Variants in ROBO2 observed in about 807,000 individuals in gnomAD.
ROBO2 encodes roundabout homolog 2.
Under a neutral mutation model 160.8 loss-of-function variants are expected in ROBO2, and 53 were observed. The ratio of observed to expected loss-of-function variants is 0.33; its 90% confidence interval spans 0.26 to 0.41. The LOEUF (loss-of-function observed/expected upper bound fraction) is 0.41, where lower values mean the gene tolerates loss of function less well. Among genes scored for constraint, ROBO2 ranks in the 10% least tolerant of loss-of-function variants. The pLI is 1.00. For synonymous variants in ROBO2, 664 were observed against 611.7 expected (o/e 1.09, Z -1.26); for missense variants, 1,577 against 1,722.4 (o/e 0.92, Z 1.49).
intron 2 of ROBO2, among the ~76,000 whole-genome samples, chr3:76,628,436 T>TTG (rs1701228531): frequency 6.7e-6 from 1 of 150,234 alleles, no homozygotes. Context: ...TTTTTAGGTT[T>TTG]TTTTTTTTTT....
intron 2 of ROBO2, among the ~76,000 whole-genome samples, chr3:76,449,240 A>G (rs1559964970): frequency 6.6e-6 from 1 of 152,146 alleles, no homozygotes; most frequent in Non-Finnish European, 1.5e-5. Context: ...TTTTTTATAA[A>G]TTATATCCAA....
intron 3 of ROBO2, 34 bp downstream of exon 3, chr3:77,477,605 T>A (rs2084172555): frequency 1.3e-5 from 20 of 1,534,622 alleles, no homozygotes; most frequent in South Asian, 2.2e-5. Flanking sequence ...CCAGAGAGAT[T>A]GAATTTTCAG....
intron 2 of ROBO2, among the ~76,000 whole-genome samples, chr3:76,312,864 A>C (rs945263478): frequency 1.3e-5 from 2 of 152,216 alleles, no homozygotes; most frequent in African/African-American, 2.4e-5. Flanking sequence ...TTGTTAACCT[A>C]TTCAGAAAGG....
intron 17 of ROBO2, among the ~76,000 whole-genome samples, chr3:77,589,935 G>A (rs1039614994): frequency 2.0e-5 from 3 of 151,986 alleles, no homozygotes; most frequent in Admixed American, 6.6e-5. Flanking sequence ...TATTAAATTT[G>A]GTAGGAAGCA....
At chr3:77,601,551 C>T (rs919386967) in intron 19 of ROBO2, among the ~76,000 whole-genome samples, 11 of 151,976 alleles carry the variant, frequency 7.2e-5, no homozygotes, top group Non-Finnish European at 1.3e-4. Flanking sequence ...TTCTCTAGTT[C>T]GGAGTTGATA....
intron 2 of ROBO2, among the ~76,000 whole-genome samples, chr3:77,240,145 G>A (rs536986887): frequency 9.7e-4 from 148 of 152,260 alleles, no homozygotes; most frequent in Middle Eastern, 3.4e-3. Flanking sequence ...AGCATGGGGC[G>A]GCGCCCGTCG....
chr3:76,151,459 T>C (rs2072196087), intron 2 of ROBO2, among the ~76,000 whole-genome samples: 1 of 152,310 alleles, frequency 6.6e-6, no homozygotes, highest in East Asian at 1.9e-4. Flanking sequence ...AGAATGCTCT[T>C]TTTATATGAT....
intron 2 of ROBO2, among the ~76,000 whole-genome samples, chr3:76,022,593 A>G (rs558520980): frequency 2.8e-4 from 42 of 151,838 alleles, no homozygotes; most frequent in Middle Eastern, 3.4e-3. Context: ...TACATTGTCA[A>G]TGAACAGCAA....
intron 1 of ROBO2, among the ~76,000 whole-genome samples, chr3:77,068,874 G>A (rs986782175): frequency 1.3e-5 from 2 of 151,970 alleles, no homozygotes; most frequent in African/African-American, 4.8e-5. Flanking sequence ...TTTGTGATCC[G>A]CAAACTATAA....
chr3:76,647,704 T>G (rs961767482), intron 2 of ROBO2, among the ~76,000 whole-genome samples: 2 of 151,948 alleles, frequency 1.3e-5, no homozygotes, highest in Non-Finnish European at 2.9e-5. Flanking sequence ...TAATCAAGGT[T>G]GTGGGAGGTG....
At chr3:77,217,900 A>G (rs2085194200) in intron 2 of ROBO2, among the ~76,000 whole-genome samples, 1 of 152,222 alleles carries the variant, frequency 6.6e-6, no homozygotes, top group African/African-American at 2.4e-5. Flanking sequence ...AAGTAAATGA[A>G]ATATTACAGA....
chr3:76,603,069 C>T (rs1363070332), intron 2 of ROBO2, among the ~76,000 whole-genome samples: 6 of 151,922 alleles, frequency 3.9e-5, no homozygotes, highest in South Asian at 2.1e-4. Context: ...CAGTGGCTCA[C>T]GCCTGTAATC....
intron 6 of ROBO2, among the ~76,000 whole-genome samples, chr3:77,530,418 A>G (rs2091593841): frequency 6.6e-6 from 1 of 151,964 alleles, no homozygotes; most frequent in Non-Finnish European, 1.5e-5. Context: ...AATTTTGTCT[A>G]AATGGATGAC....
chr3:77,323,216 C>A (rs915524001), intron 2 of ROBO2, among the ~76,000 whole-genome samples: 5 of 151,220 alleles, frequency 3.3e-5, no homozygotes, highest in Non-Finnish European at 5.9e-5. Context: ...CTGACTATCA[C>A]CCATGTTCCC....
chr3:76,630,886 G>A (rs1485935064), intron 2 of ROBO2, among the ~76,000 whole-genome samples: 2 of 152,110 alleles, frequency 1.3e-5, no homozygotes, highest in South Asian at 4.1e-4. Flanking sequence ...CAGTAACTTT[G>A]TACAAGAGGT....
intron 20 of ROBO2, among the ~76,000 whole-genome samples, chr3:77,606,300 T>C (rs1436627488): frequency 1.3e-5 from 2 of 152,162 alleles, no homozygotes; most frequent in African/African-American, 4.8e-5. Context: ...CTCTTGTAAT[T>C]CTCAAAATAA....
At chr3:76,128,409 A>C (rs972778186) in intron 2 of ROBO2, among the ~76,000 whole-genome samples, 10 of 152,180 alleles carry the variant, frequency 6.6e-5, no homozygotes, top group African/African-American at 2.4e-4. Flanking sequence ...GAGGAGGAGC[A>C]CATAATTCTT....
At chr3:76,710,312 G>T (rs1401124386) in intron 2 of ROBO2, among the ~76,000 whole-genome samples, 1 of 151,964 alleles carries the variant, frequency 6.6e-6, no homozygotes, top group African/African-American at 2.4e-5. Context: ...GCAGACACGG[G>T]GTTTCACCAT....
chr3:77,165,151 C>T (rs1001469880), intron 2 of ROBO2, among the ~76,000 whole-genome samples: 3 of 151,324 alleles, frequency 2.0e-5, no homozygotes, highest in Admixed American at 2.0e-4. Context: ...ATTGAGAAAT[C>T]GGATGGTTGC....
Sources: allele counts gnomAD v4.1 joint callset (sites outside exome capture counted in the v4.1 genomes callset), GRCh38; gene constraint gnomAD v4.1.1; transcripts MANE v1.5; gene names NCBI Gene and HGNC (gene_info 2026-07-23, HGNC 2026-07-21).